Variants in KIR2DL4 observed in about 807,000 individuals in gnomAD.
The protein encoded by KIR2DL4 is killer cell immunoglobulin-like receptor 2DL4.
KIR2DL4 carries 41 observed loss-of-function variants against 31.0 expected under a neutral mutation model. The ratio of observed to expected loss-of-function variants is 1.32; its 90% CI spans 1.03 to 1.72. KIR2DL4 has a LOEUF of 1.72. Ranked by LOEUF, KIR2DL4 falls within the 40% of genes most tolerant of loss-of-function variation. The pLI is 0.00. For missense variants in KIR2DL4, 438 were observed against 353.7 expected (o/e 1.24, Z -1.91); for synonymous variants, 164 against 133.6 (o/e 1.23, Z -1.57).
intron 2 of KIR2DL4, among the ~76,000 whole-genome samples, chr19:54,804,527 T>G (rs1340883275): frequency 5.3e-5 from 8 of 150,980 alleles, no homozygotes; most frequent in African/African-American, 2.0e-4. Context: ...CTCCACCCCA[T>G]GTCTACTTTG....
intron 4 of KIR2DL4, among the ~76,000 whole-genome samples, chr19:54,806,925 G>A (rs1252995517): frequency 1.3e-5 from 2 of 151,036 alleles, no homozygotes; most frequent in African/African-American, 4.9e-5. Flanking sequence ...TGAGGCGGGA[G>A]AGTGGCTTAA....
chr19:54,805,984 C>G lies in KIR2DL4; in HGVS notation c.395C>G (p.Pro132Arg), dbSNP rs200485159. 4 of 1,609,568 alleles carry G rather than the reference C, an allele frequency of 2.5e-6. No individual in the cohort carries two copies. In the Admixed American group the frequency reaches 6.7e-5, roughly 27 times the overall value. Residue 132 changes from proline to arginine, a missense_variant, in exon 4 of 8, where the codon CCG becomes CGG. Physicochemically the swap from Pro to Arg is moderately radical, Grantham distance 103 (BLOSUM62 -2). Transcript: ENST00000359085. ...GAGAAACCTTCGCTTACAGCCCGGC[C>G]GGGCCCCACGGTTCGCGCAGGAGAG...
chr19:54,813,564 G>A lies in KIR2DL4; in HGVS notation c.811-126G>A, dbSNP rs1601235048. ...GCACTCAGAGAGATGGAATGTCTGA[G>A]TCTGGCTGTTGGCAGCTGAGGGACC... is the stretch of plus-strand genomic sequence containing the variant. On this transcript the variant is annotated intron_variant, in intron 6 of 7. Coordinates refer to ENST00000359085, the Ensembl canonical transcript of KIR2DL4. The A allele has an allele frequency of 4.1e-6, 4 of 965,656 alleles. No individual in the cohort carries two copies. In the Middle Eastern group the frequency reaches 8.1e-4, roughly 196 times the overall value. 59.8% of individuals were successfully genotyped at this position (965,656 alleles called of 1,614,324 possible).
intron 6 of KIR2DL4, chr19:54,813,255 GA>G (rs1244900232): frequency 6.3e-7 from 1 of 1,597,344 alleles, no homozygotes; most frequent in African/African-American, 1.4e-5. Context: ...AGAGGCCAGA[GA>G]ACTCAGGGCC....
At chr19:54,807,594 C>A (rs112849748) in intron 4 of KIR2DL4, among the ~76,000 whole-genome samples, 47,008 of 144,364 alleles carry the variant, frequency 0.33, 9,004 homozygotes, top group African/African-American at 0.49. Flanking sequence ...CCCGCCACCA[C>A]GCCTGGCTGA....
chr19:54,811,389 C>T (rs1569392588), intron 5 of KIR2DL4, among the ~76,000 whole-genome samples: 1 of 151,174 alleles, frequency 6.6e-6, no homozygotes, highest in Non-Finnish European at 1.5e-5. Flanking sequence ...CAGAGTGAGA[C>T]TCCATGGCAA....
At chr19:54,806,056 A>T (rs922176187) in exon 4 of KIR2DL4, 1 of 1,611,628 alleles carries the variant, frequency 6.2e-7, no homozygotes, top group Admixed American at 1.7e-5. Context: ...GACATCTACC[A>T]TCTATCCAGG....
chr19:54,805,781 C>A (rs1260493952), intron 3 of KIR2DL4, among the ~76,000 whole-genome samples, 170 bp from the exon 4 acceptor site: 1 of 150,988 alleles, frequency 6.6e-6, no homozygotes, highest in Admixed American at 6.6e-5. Flanking sequence ...ATGCCACCAC[C>A]AGGCTGGAAC....
At chr19:54,810,181 G>A (rs1217985357) in intron 5 of KIR2DL4, among the ~76,000 whole-genome samples, 2 of 150,034 alleles carry the variant, frequency 1.3e-5, no homozygotes, top group African/African-American at 2.5e-5. Flanking sequence ...TGCAGTGGCG[G>A]GATCTCGGCT....
At chr19:54,808,514 G>T (rs796547461) in intron 4 of KIR2DL4, among the ~76,000 whole-genome samples, 80 of 149,946 alleles carry the variant, frequency 5.3e-4, no homozygotes, top group Middle Eastern at 3.4e-3. Flanking sequence ...GATGTAAATG[G>T]GTGGATTACA....
intron 4 of KIR2DL4, among the ~76,000 whole-genome samples, chr19:54,808,216 T>A (rs1162819746): frequency 1.6e-5 from 2 of 126,980 alleles, no homozygotes; most frequent in East Asian, 5.4e-4. Flanking sequence ...ATCCCAATGG[T>A]CTATTTTTTT....
At chr19:54,806,877 T>C (rs2060564627) in intron 4 of KIR2DL4, among the ~76,000 whole-genome samples, 2 of 150,474 alleles carry the variant, frequency 1.3e-5, no homozygotes, top group Non-Finnish European at 2.9e-5. Flanking sequence ...TAGCCAGGCA[T>C]GGTGCCAGGC....
At chr19:54,810,921 CAAG>C (rs1362059640) in intron 5 of KIR2DL4, among the ~76,000 whole-genome samples, 1 of 150,716 alleles carries the variant, frequency 6.6e-6, no homozygotes, top group Non-Finnish European at 1.5e-5. Context: ...AAGATGGACA[CAAG>C]ATGTGTTTGT....
rs775876947 is a variant in KIR2DL4, at chr19:54,806,050, T to C, written c.461T>C (p.Ile154Thr). Residue 154 changes from isoleucine to threonine, a missense_variant, in exon 4 of 8, where the codon ATC (isoleucine) becomes ACC (threonine). Ile to Thr is a moderately conservative substitution (Grantham distance 89, BLOSUM62 -1). Coordinates refer to ENST00000359085, the Ensembl canonical transcript of KIR2DL4. ...TGCAGCTCCCAGAGCTCCTTTGACA[T>C]CTACCATCTATCCAGGGAGGGGGAA... is the stretch of plus-strand genomic sequence containing the variant. The C allele has an allele frequency of 1.9e-6, 3 of 1,611,664 alleles. No homozygotes were observed. In the East Asian group the frequency reaches 6.7e-5, roughly 36 times the overall value.
chr19:54,812,485 G>A (rs2060920964), intron 5 of KIR2DL4, among the ~76,000 whole-genome samples: 1 of 151,124 alleles, frequency 6.6e-6, no homozygotes, highest in Non-Finnish European at 1.5e-5. Context: ...ATCTCAGGAT[G>A]TTGCTGTCTT....
At chr19:54,806,995 C>A (rs111779376) in intron 4 of KIR2DL4, among the ~76,000 whole-genome samples, 1 of 146,956 alleles carries the variant, frequency 6.8e-6, no homozygotes, top group African/African-American at 2.6e-5. Flanking sequence ...AGCCTGGTGA[C>A]ACAGAGAGAC....
At chr19:54,809,135 A>G (rs2045612971) in intron 5 of KIR2DL4, among the ~76,000 whole-genome samples, 1 of 151,172 alleles carries the variant, frequency 6.6e-6, no homozygotes, top group Non-Finnish European at 1.5e-5. Context: ...CATTCTTCTC[A>G]GGAAAAATGC....
exon 3 of KIR2DL4, chr19:54,804,950 C>T (rs1173085242): frequency 6.2e-7 from 1 of 1,612,126 alleles, no homozygotes; most frequent in African/African-American, 1.3e-5. Flanking sequence ...ACAGAATATT[C>T]TGGAACAGTT....
intron 6 of KIR2DL4, chr19:54,813,320 A>C: frequency 6.4e-7 from 1 of 1,565,388 alleles, no homozygotes; most frequent in Non-Finnish European, 8.6e-7. Context: ...CTGGCAGGAA[A>C]GTCTCTGGCC....
Sources: gnomAD v4.1 joint callset for allele counts (sites outside exome capture counted in the v4.1 genomes callset) on GRCh38, gnomAD v4.1.1 for gene constraint, MANE v1.5 for transcripts, NCBI Gene and HGNC (gene_info 2026-07-23, HGNC 2026-07-21) for gene names.